ANXA13: variants seen among roughly 807,000 people sequenced by gnomAD.
ANXA13 encodes annexin A13, also known as annexin XIII.
Under a neutral mutation model 46.6 loss-of-function variants are expected in ANXA13, and 36 were observed. That is an observed-to-expected ratio of 0.77 (90% CI 0.59 to 1.02). The LOEUF (loss-of-function observed/expected upper bound fraction) is 1.02, where lower values mean the gene tolerates loss of function less well. ANXA13 is among the 50% of genes least tolerant of loss of function. ANXA13 has a pLI of 0.00. For missense variants in ANXA13, 417 were observed against 396.5 expected (o/e 1.05, Z -0.44); for synonymous variants, 163 against 152.9 (o/e 1.07, Z -0.49).
intron 9 of ANXA13, among the ~76,000 whole-genome samples, chr8:123,685,033 G>A (rs565304479): frequency 3.2e-4 from 48 of 152,268 alleles, no homozygotes; most frequent in Middle Eastern, 3.4e-3. Context: ...TTTCCCTATC[G>A]AGTGAAATCT....
At chr8:123,685,237 C>T (rs907663812) in intron 9 of ANXA13, among the ~76,000 whole-genome samples, 1 of 152,292 alleles carries the variant, frequency 6.6e-6, no homozygotes, top group African/African-American at 2.4e-5. Flanking sequence ...AGGTTCCCCA[C>T]GATCTTTTGG....
In ANXA13 at chr8:123,684,690, C is replaced by T; in HGVS notation, c.751G>A (p.Ala251Thr). Residue 251 changes from alanine to threonine, a missense_variant, in exon 10 of 11, where the codon GCT becomes ACT. By Grantham distance (58) the Ala-to-Thr change is moderately conservative. Transcript: ENST00000419625. ...RCAQDCEDYF[A>T]ERLYKSMKGA... ...TTCATCGACTTGTACAGACGTTCAG[C>T]AAAATAGTCCTCACAATCCTGGGCA... The T allele has an allele frequency of 6.2e-7, 1 of 1,614,026 alleles. No homozygotes were observed.
chr8:123,719,937 T>G (rs1451204541), intron 1 of ANXA13, among the ~76,000 whole-genome samples: 1 of 152,146 alleles, frequency 6.6e-6, no homozygotes, highest in African/African-American at 2.4e-5. Flanking sequence ...GTGTTTGGGA[T>G]GTAGTAGCAC....
At chr8:123,718,122 A>T (rs1023079455) in intron 1 of ANXA13, among the ~76,000 whole-genome samples, 1 of 152,240 alleles carries the variant, frequency 6.6e-6, no homozygotes, top group South Asian at 2.1e-4. Flanking sequence ...GGATAATAAT[A>T]GTTCCTACCA....
chr8:123,681,356 C>A lies in ANXA13; in HGVS notation c.835G>T (p.Asp279Tyr). 1 of 1,611,930 alleles carries A rather than the reference C, an allele frequency of 6.2e-7. No homozygotes were observed. The highest frequency in any genetic ancestry group is 8.5e-7 in the Non-Finnish European group (1 of 1,179,208). Residue 279 changes from aspartate (D) to tyrosine (Y), a missense_variant, in exon 11 of 11, where the codon GAC becomes TAC. Asp to Tyr is a radical substitution (Grantham distance 160). Coordinates refer to ENST00000419625, the MANE Select transcript of ANXA13 (RefSeq NM_004306.4). Reference protein sequence around the residue: ...IRIVVTRAEVDLQGIKAKFQE... With the variant: ...IRIVVTRAEVYLQGIKAKFQE... ...AACTTTGCTTTGATCCCCTGAAGGT[C>A]CACCTGTAGAAAAAATAACAGCAAT...
In ANXA13 at chr8:123,681,325, T is replaced by C; in HGVS notation, c.866A>G (p.Glu289Gly). The change falls in exon 11 of 11, where the codon GAG (glutamate) becomes GGG (glycine). Residue 289 changes from glutamate (E) to glycine (G), a missense_variant. Transcript: ENST00000419625. The stretch of plus-strand genomic sequence containing the variant: ...GTCAGAGAGAGACTTCTGATACTTC[T>C]CTTGGAACTTTGCTTTGATCCCCTG... ...DLQGIKAKFQ[E>G]KYQKSLSDMV... 6.2e-7 allele frequency: 1 copy of C among 1,614,100 alleles called. No individual in the cohort carries two copies. The highest frequency in any genetic ancestry group is 8.5e-7 in the Non-Finnish European group (1 of 1,179,992).
intron 1 of ANXA13, among the ~76,000 whole-genome samples, chr8:123,723,311 T>C (rs1025889161): frequency 1.3e-5 from 2 of 152,222 alleles, no homozygotes; most frequent in African/African-American, 4.8e-5. Flanking sequence ...CAGTGGAGAA[T>C]GTTTCTACTT....
intron 1 of ANXA13, 87 bp downstream of exon 1, chr8:123,737,233 A>G (rs1814290259): frequency 7.9e-7 from 1 of 1,271,270 alleles, no homozygotes; most frequent in Non-Finnish European, 1.1e-6. Context: ...GATAAAGTAT[A>G]CAAGTATCAG....
chr8:123,708,998 A>G (rs540069297), intron 2 of ANXA13, among the ~76,000 whole-genome samples: 8 of 152,132 alleles, frequency 5.3e-5, no homozygotes, highest in Non-Finnish European at 7.4e-5. Flanking sequence ...TAACTTAATT[A>G]TATCTGCAAA....
intron 1 of ANXA13, among the ~76,000 whole-genome samples, chr8:123,716,333 C>T (rs1310008683): frequency 6.6e-6 from 1 of 152,280 alleles, no homozygotes; most frequent in East Asian, 1.9e-4. Context: ...GATCCACCCA[C>T]CTCGGCCTCC....
intron 9 of ANXA13, among the ~76,000 whole-genome samples, chr8:123,687,797 G>A (rs867693544): frequency 1.6e-4 from 24 of 152,140 alleles, no homozygotes; most frequent in African/African-American, 5.8e-4. Context: ...TGTGGACAAT[G>A]GACAATGCCT....
At chr8:123,697,379 A>ATATTTC (rs1813360481) in intron 4 of ANXA13, among the ~76,000 whole-genome samples, 1 of 151,930 alleles carries the variant, frequency 6.6e-6, no homozygotes, top group African/African-American at 2.4e-5. Context: ...GCCTGTGCTA[A>ATATTTC]CCCTCCTCCG....
intron 1 of ANXA13, among the ~76,000 whole-genome samples, chr8:123,714,411 TGC>T (rs1188241757): frequency 6.6e-6 from 1 of 152,182 alleles, no homozygotes; most frequent in Non-Finnish European, 1.5e-5. Context: ...ACAGTGAAAG[TGC>T]GTGAGTCTAG....
intron 2 of ANXA13, among the ~76,000 whole-genome samples, chr8:123,703,231 T>A (rs1487060707): frequency 6.6e-6 from 1 of 152,152 alleles, no homozygotes; most frequent in East Asian, 1.9e-4. Context: ...GAGAACATTA[T>A]GCTAAGTGAA....
Position 123,681,146 on chromosome 8 carries a change from G to A in ANXA13, c.*94C>T, listed in dbSNP as rs1813028058. On this transcript the variant is annotated 3_prime_UTR_variant, in exon 11 of 11. Coordinates refer to ENST00000419625, the MANE Select transcript of ANXA13 (RefSeq NM_004306.4). Reference sequence around the variant, plus strand: ...AAGAAAGTAATCCGGGACTCTTAAGGGTTTTCGTGCGGGAGTCTCATTTGC... The same window carrying A: ...AAGAAAGTAATCCGGGACTCTTAAGAGTTTTCGTGCGGGAGTCTCATTTGC... 31 of 1,472,270 alleles carry A rather than the reference G, an allele frequency of 2.1e-5. No homozygotes were observed. Among genetic ancestry groups the A allele is most frequent in the Non-Finnish European group, 2.7e-5 (30 of 1,099,080 alleles). 91.2% of individuals were successfully genotyped at this position (1,472,270 alleles called of 1,614,324 possible).
intron 8 of ANXA13, among the ~76,000 whole-genome samples, chr8:123,691,897 G>A (rs866155085): frequency 1.3e-5 from 2 of 152,038 alleles, no homozygotes; most frequent in African/African-American, 2.4e-5. Context: ...ACACACACAC[G>A]TACCCAGAAA....
At chr8:123,734,368 G>C (rs552321165) in intron 1 of ANXA13, among the ~76,000 whole-genome samples, 1 of 152,068 alleles carries the variant, frequency 6.6e-6, no homozygotes, top group South Asian at 2.1e-4. Context: ...TTCTCTCTGT[G>C]TACACTCTAC....
intron 1 of ANXA13, among the ~76,000 whole-genome samples, chr8:123,732,627 C>G (rs1814141693): frequency 6.6e-6 from 1 of 151,496 alleles, no homozygotes; most frequent in African/African-American, 2.4e-5. Flanking sequence ...ATCAGTGTAT[C>G]TGTCCTCTGC....
In ANXA13 at chr8:123,698,408, A is replaced by C; in HGVS notation, c.338T>G (p.Leu113Arg). The change falls in exon 4 of 11, where the codon CTG becomes CGG. Residue 113 changes from leucine (L) to arginine (R), a missense_variant. Transcript: ENST00000419625. ...ACTGACCTTATTGGTCCTCGTGCAC[A>C]GGACCTCAATGAGGACGGACTCATC... ...GTDESVLIEVLCTRTNKEIIA... is the reference protein window; with the variant it reads ...GTDESVLIEVRCTRTNKEIIA... 1 of 1,614,174 alleles carries C rather than the reference A, an allele frequency of 6.2e-7. No homozygotes were observed. The highest frequency in any genetic ancestry group is 8.5e-7 in the Non-Finnish European group (1 of 1,180,012).
Sources: gnomAD v4.1 joint callset for allele counts (sites outside exome capture counted in the v4.1 genomes callset) on GRCh38, gnomAD v4.1.1 for gene constraint, MANE v1.5 for transcripts, NCBI Gene and HGNC (gene_info 2026-07-23, HGNC 2026-07-21) for gene names.